IQCM: variants seen among roughly 807,000 people sequenced by gnomAD.
IQCM encodes IQ domain-containing protein M.
In IQCM, 45 loss-of-function variants were observed where a neutral mutation model predicts 57.6. That is an observed-to-expected ratio of 0.78 (90% CI 0.62 to 1.00). IQCM has a LOEUF of 1.00. Among genes scored for constraint, IQCM ranks in the 50% least tolerant of loss-of-function variants. The pLI is 0.00. For synonymous variants in IQCM, 148 were observed against 158.9 expected, an observed-to-expected ratio of 0.93 and a Z score of 0.51; for missense variants, 468 against 511.6, an observed-to-expected ratio of 0.91 and a Z score of 0.82.
chr4:149,362,488 T>A (rs144829086), intron 13 of IQCM, among the ~76,000 whole-genome samples: 376 of 152,232 alleles, frequency 2.5e-3, no homozygotes, highest in African/African-American at 8.8e-3. Context: ...CCAGTCTTTC[T>A]TGTGCTATTC....
chr4:149,473,320 G>A (rs1043609313), intron 12 of IQCM, among the ~76,000 whole-genome samples: 1 of 152,226 alleles, frequency 6.6e-6, no homozygotes, highest in African/African-American at 2.4e-5. Context: ...AGAAGGATAT[G>A]AACAGACACT....
At chr4:149,474,418 T>C (rs983798832) in intron 12 of IQCM, among the ~76,000 whole-genome samples, 2 of 150,846 alleles carry the variant, frequency 1.3e-5, no homozygotes, top group Non-Finnish European at 3.0e-5. Flanking sequence ...TTTAAAAAAA[T>C]AAAAATTAGG....
At chr4:149,584,437 T>C (rs769556074) in intron 9 of IQCM, among the ~76,000 whole-genome samples, 3 of 151,698 alleles carry the variant, frequency 2.0e-5, no homozygotes, top group Non-Finnish European at 4.4e-5. Context: ...ATGAAATGAA[T>C]ACTTATATAG....
chr4:149,388,878 C>A (rs960428103), intron 13 of IQCM, among the ~76,000 whole-genome samples: 1 of 150,580 alleles, frequency 6.6e-6, no homozygotes, highest in Admixed American at 6.7e-5. Context: ...ATATTGAACA[C>A]AAGGCCATTA....
intron 12 of IQCM, among the ~76,000 whole-genome samples, chr4:149,434,666 A>T (rs983966723): frequency 7.9e-5 from 12 of 152,106 alleles, no homozygotes; most frequent in Non-Finnish European, 1.8e-4. Context: ...ATCCAAATCC[A>T]TCCTTTACTG....
intron 13 of IQCM, among the ~76,000 whole-genome samples, chr4:149,353,918 T>C (rs1483204129): frequency 6.6e-6 from 1 of 152,106 alleles, no homozygotes; most frequent in East Asian, 1.9e-4. Flanking sequence ...CCACTAAAGA[T>C]TTCAGTTGCT....
intron 2 of IQCM, among the ~76,000 whole-genome samples, chr4:149,806,923 A>G (rs748900044): frequency 3.3e-5 from 5 of 151,966 alleles, no homozygotes; most frequent in African/African-American, 4.8e-5. Flanking sequence ...CCCATTTACA[A>G]TAGCTACAAA....
chr4:149,766,149 A>G (rs1174916771), intron 2 of IQCM, among the ~76,000 whole-genome samples: 1 of 152,092 alleles, frequency 6.6e-6, no homozygotes, highest in African/African-American at 2.4e-5. Flanking sequence ...GCAGGCAAGA[A>G]GAACCCACTG....
intron 13 of IQCM, among the ~76,000 whole-genome samples, chr4:149,361,021 G>A (rs965653011): frequency 1.3e-4 from 20 of 152,200 alleles, no homozygotes; most frequent in Admixed American, 5.2e-4. Flanking sequence ...TAAGATCCAG[G>A]CTGAGGTGGT....
intron 12 of IQCM, among the ~76,000 whole-genome samples, chr4:149,544,816 T>C (rs1007366384): frequency 2.0e-5 from 3 of 152,162 alleles, no homozygotes; most frequent in Admixed American, 2.0e-4. Flanking sequence ...TTACAATAAA[T>C]GGTGTTGGGC....
At chr4:149,683,768 T>A (rs748054622) in intron 6 of IQCM, among the ~76,000 whole-genome samples, 1 of 151,410 alleles carries the variant, frequency 6.6e-6, no homozygotes, top group Non-Finnish European at 1.5e-5. Context: ...TGAAAGATTC[T>A]AATGGAAGTA....
chr4:149,529,360 C>A (rs1015830789), intron 12 of IQCM, among the ~76,000 whole-genome samples: 3 of 152,184 alleles, frequency 2.0e-5, no homozygotes, highest in African/African-American at 7.2e-5. Context: ...CCACCACACC[C>A]AACCAGAAGA....
chr4:149,705,420 A>G (rs1364814530), intron 5 of IQCM, among the ~76,000 whole-genome samples: 6 of 151,440 alleles, frequency 4.0e-5, no homozygotes, highest in African/African-American at 1.5e-4. Context: ...AAAGGCATAG[A>G]CAGCAATAGT....
intron 13 of IQCM, among the ~76,000 whole-genome samples, chr4:149,381,833 A>G (rs6839847): frequency 0.46 from 69,391 of 151,574 alleles, 16,077 homozygotes; most frequent in East Asian, 0.5. Context: ...GGAGGGCAAT[A>G]GCACAGTCTT....
At chr4:149,581,604 G>A (rs1223985046) in intron 9 of IQCM, among the ~76,000 whole-genome samples, 1 of 151,618 alleles carries the variant, frequency 6.6e-6, no homozygotes, top group African/African-American at 2.4e-5. Flanking sequence ...ATCAGTATGA[G>A]TTATTGCCCT....
chr4:149,642,886 G>A (rs1758317238), intron 7 of IQCM, among the ~76,000 whole-genome samples: 1 of 152,046 alleles, frequency 6.6e-6, no homozygotes, highest in South Asian at 2.1e-4. Context: ...TAAAAAAATT[G>A]TAATAACTGG....
At chr4:149,391,014 T>C (rs188468595) in intron 13 of IQCM, among the ~76,000 whole-genome samples, 1 of 152,070 alleles carries the variant, frequency 6.6e-6, no homozygotes, top group Admixed American at 6.6e-5. Flanking sequence ...AGCAATGTGA[T>C]ACTGGCATGA....
chr4:149,769,362 C>T (rs900234289), intron 2 of IQCM, among the ~76,000 whole-genome samples: 1 of 151,968 alleles, frequency 6.6e-6, no homozygotes, highest in Non-Finnish European at 1.5e-5. Flanking sequence ...CAAAATCCAA[C>T]AACCCTTTAT....
At chr4:149,402,230 C>T (rs374172990) in intron 13 of IQCM, among the ~76,000 whole-genome samples, 3 of 151,666 alleles carry the variant, frequency 2.0e-5, no homozygotes, top group Admixed American at 6.6e-5. Flanking sequence ...AACAGGACAA[C>T]ACTAGATCCT....
Sources: gnomAD v4.1 joint callset for allele counts (sites outside exome capture counted in the v4.1 genomes callset) on GRCh38, gnomAD v4.1.1 for gene constraint, MANE v1.5 for transcripts, NCBI Gene and HGNC (gene_info 2026-07-23, HGNC 2026-07-21) for gene names.